NELL1: variants seen among roughly 807,000 people sequenced by gnomAD.
The protein encoded by NELL1 is protein kinase C-binding protein NELL1.
NELL1 carries 76 observed loss-of-function variants against 107.4 expected under a neutral mutation model. The observed-to-expected ratio is 0.71, with a 90% CI of 0.59 to 0.86. NELL1 has a LOEUF of 0.86. Among genes scored for constraint, NELL1 ranks in the 40% least tolerant of loss-of-function variants. The pLI is 0.00. For missense variants in NELL1, 1,024 were observed against 1,005.5 expected (o/e 1.02, Z -0.25); for synonymous variants, 353 against 341.2 (o/e 1.03, Z -0.38).
At chr11:21,126,306 A>C (rs1468511529) in intron 13 of NELL1, among the ~76,000 whole-genome samples, 2 of 152,212 alleles carry the variant, frequency 1.3e-5, no homozygotes, top group African/African-American at 2.4e-5. Context: ...ATCACCACTG[A>C]AGAACCTATT....
At chr11:21,338,278 T>C (rs1360213313) in intron 14 of NELL1, among the ~76,000 whole-genome samples, 1 of 152,172 alleles carries the variant, frequency 6.6e-6, no homozygotes, top group Admixed American at 6.5e-5. Context: ...TGTGAGCACA[T>C]GTTAAACAGG....
intron 2 of NELL1, among the ~76,000 whole-genome samples, chr11:20,739,309 A>G (rs1855833661): frequency 6.6e-6 from 1 of 152,210 alleles, no homozygotes; most frequent in African/African-American, 2.4e-5. Context: ...GTGAAAGTGA[A>G]ATGATGAACC....
intron 15 of NELL1, among the ~76,000 whole-genome samples, chr11:21,451,921 A>G (rs1853597657): frequency 6.6e-6 from 1 of 152,192 alleles, no homozygotes; most frequent in Admixed American, 6.5e-5. Flanking sequence ...AATCTAGTAC[A>G]TCATTAAAAT....
intron 2 of NELL1, among the ~76,000 whole-genome samples, chr11:20,763,168 A>G (rs1212457068): frequency 6.6e-6 from 1 of 151,984 alleles, no homozygotes; most frequent in Non-Finnish European, 1.5e-5. Flanking sequence ...GGCGTGAGGT[A>G]TTTATTTACT....
At chr11:20,776,835 A>C (rs1210994525) in intron 2 of NELL1, among the ~76,000 whole-genome samples, 2 of 152,204 alleles carry the variant, frequency 1.3e-5, no homozygotes, top group Non-Finnish European at 2.9e-5. Flanking sequence ...GGAATATCAC[A>C]GTCGACTCTG....
intron 15 of NELL1, among the ~76,000 whole-genome samples, chr11:21,478,079 G>T (rs1854395140): frequency 6.6e-6 from 1 of 151,978 alleles, no homozygotes; most frequent in African/African-American, 2.4e-5. Flanking sequence ...TGCTGGGGAG[G>T]CCCCAGGAAA....
intron 3 of NELL1, among the ~76,000 whole-genome samples, chr11:20,846,514 T>C (rs1166507945): frequency 6.6e-6 from 1 of 152,116 alleles, no homozygotes; most frequent in East Asian, 1.9e-4. Flanking sequence ...GAGTTGACCA[T>C]ATGAATGAGT....
At chr11:20,893,855 T>TA (rs10658756) in intron 5 of NELL1, among the ~76,000 whole-genome samples, 6,422 of 127,110 alleles carry the variant, frequency 0.051, 495 homozygotes, top group African/African-American at 0.16. Flanking sequence ...GTGAGGTAGT[T>TA]AAAAAAAAAA....
rs538486135 is a variant in NELL1 at position 21,014,222 on chromosome 11, G to A, written c.1300+53662G>A. Among the ~76,000 whole-genome samples, 18 of 152,182 alleles carry A rather than the reference G, an allele frequency of 1.2e-4. No individual in the cohort carries two copies. In the East Asian group the frequency reaches 3.5e-3, roughly 30 times the overall value. On this transcript the variant is annotated intron_variant, in intron 12 of 19. Transcript: ENST00000357134. ...AGTAGGGGTGGCCTGCACTCTTACT[G>A]CCTTTGACTATGACTCGATGCTTCC...
intron 13 of NELL1, among the ~76,000 whole-genome samples, chr11:21,176,398 A>C (rs1257455078): frequency 1.3e-5 from 2 of 151,734 alleles, no homozygotes; most frequent in African/African-American, 2.4e-5. Context: ...CTCGCATGGG[A>C]TTATTGGAAA....
intron 15 of NELL1, among the ~76,000 whole-genome samples, chr11:21,439,421 T>A (rs1385796926): frequency 6.6e-6 from 1 of 152,176 alleles, no homozygotes; most frequent in East Asian, 1.9e-4. Context: ...CTTCTGATTA[T>A]GCAGAAGCAG....
At chr11:20,988,583 C>T (rs1851903927) in intron 12 of NELL1, among the ~76,000 whole-genome samples, 1 of 150,834 alleles carries the variant, frequency 6.6e-6, no homozygotes, top group Non-Finnish European at 1.5e-5. Flanking sequence ...GTTGTCAGGA[C>T]ACTTTAGAGA....
At chr11:21,147,992 G>T (rs894876041) in intron 13 of NELL1, among the ~76,000 whole-genome samples, 1 of 152,042 alleles carries the variant, frequency 6.6e-6, no homozygotes, top group Non-Finnish European at 1.5e-5. Flanking sequence ...TCAAGTTAAG[G>T]CCTCTACTGA....
At chr11:21,116,658 C>T (rs1263282684) in intron 13 of NELL1, among the ~76,000 whole-genome samples, 1 of 152,000 alleles carries the variant, frequency 6.6e-6, no homozygotes, top group Non-Finnish European at 1.5e-5. Context: ...ACTCCTTCCT[C>T]TCCCCAGGGG....
intron 5 of NELL1, among the ~76,000 whole-genome samples, chr11:20,891,457 G>C (rs559551556): frequency 1.4e-3 from 214 of 152,214 alleles, no homozygotes; most frequent in Non-Finnish European, 2.3e-3. Context: ...GCATCAACTA[G>C]TGTGCAAAAT....
intron 5 of NELL1, among the ~76,000 whole-genome samples, chr11:20,892,547 C>A (rs893651436): frequency 6.6e-6 from 1 of 152,146 alleles, no homozygotes; most frequent in Non-Finnish European, 1.5e-5. Context: ...GATCTATGAC[C>A]GGAAACACCA....
chr11:20,933,005 G>T (rs1192321438), intron 9 of NELL1, among the ~76,000 whole-genome samples: 2 of 152,234 alleles, frequency 1.3e-5, no homozygotes, highest in Non-Finnish European at 2.9e-5. Context: ...AAGTAGGTAA[G>T]AACATAACTG....
At chr11:20,952,056 G>GAAA (rs111641124) in intron 11 of NELL1, among the ~76,000 whole-genome samples, 1 of 148,134 alleles carries the variant, frequency 6.8e-6, no homozygotes. Flanking sequence ...GTTAAAGGAT[G>GAAA]AAAAAAAAAA....
chr11:21,012,346 A>T (rs1314670800), intron 12 of NELL1, among the ~76,000 whole-genome samples: 1 of 152,048 alleles, frequency 6.6e-6, no homozygotes, highest in Non-Finnish European at 1.5e-5. Context: ...AAGACCACAC[A>T]GTTTTCTTCT....
Sources: gnomAD v4.1 joint callset for allele counts (sites outside exome capture counted in the v4.1 genomes callset) on GRCh38, gnomAD v4.1.1 for gene constraint, MANE v1.5 for transcripts, NCBI Gene and HGNC (gene_info 2026-07-23, HGNC 2026-07-21) for gene names.